Variants in THEMIS observed in about 807,000 individuals in gnomAD.
THEMIS encodes the protein thymocyte selection associated, also known as protein THEMIS.
In THEMIS, 37 loss-of-function variants were observed where a neutral mutation model predicts 52.6. The ratio of observed to expected loss-of-function variants is 0.70; its 90% confidence interval spans 0.54 to 0.93. The LOEUF (loss-of-function observed/expected upper bound fraction) is 0.93. Among genes scored for constraint, THEMIS ranks in the 40% least tolerant of loss-of-function variants. The pLI is 0.00. For synonymous variants in THEMIS, 292 were observed against 272.7 expected (o/e 1.07, Z -0.70); for missense variants, 808 against 763.1 (o/e 1.06, Z -0.69).
At chr6:127,825,338 C>T (rs1029639424) in intron 3 of THEMIS, among the ~76,000 whole-genome samples, 2 of 152,184 alleles carry the variant, frequency 1.3e-5, no homozygotes, top group African/African-American at 4.8e-5. Context: ...CCCCAAGTCA[C>T]ATTACTGTGA....
chr6:127,830,531 C>G (rs1406862433), intron 2 of THEMIS, among the ~76,000 whole-genome samples: 1 of 151,584 alleles, frequency 6.6e-6, no homozygotes, highest in Non-Finnish European at 1.5e-5. Context: ...ACAAAGAATA[C>G]AAAAATTAGC....
chr6:127,746,954 A>ATATAATATAAT (rs1237723984), intron 4 of THEMIS, among the ~76,000 whole-genome samples: 36 of 83,916 alleles, frequency 4.3e-4, no homozygotes, highest in African/African-American at 1.8e-3. Context: ...ATATAATTAT[A>ATATAATATAAT]TATAGATATC....
At chr6:127,762,521 GA>G (rs1264559138) in intron 4 of THEMIS, among the ~76,000 whole-genome samples, 1 of 152,040 alleles carries the variant, frequency 6.6e-6, no homozygotes, top group Non-Finnish European at 1.5e-5. Context: ...CCAGCTCTCA[GA>G]TAAAATATAC....
At chr6:127,782,438 A>G (rs954647764) in intron 4 of THEMIS, among the ~76,000 whole-genome samples, 5 of 152,162 alleles carry the variant, frequency 3.3e-5, no homozygotes, top group East Asian at 1.9e-4. Flanking sequence ...TAGGCACCCA[A>G]GGGAATATCC....
chr6:127,707,384 A>G (rs1773825654), downstream of THEMIS, among the ~76,000 whole-genome samples: 1 of 152,144 alleles, frequency 6.6e-6, no homozygotes, highest in Non-Finnish European at 1.5e-5. Flanking sequence ...TTTACTCTGA[A>G]TGAGGTAGGA....
intron 1 of THEMIS, among the ~76,000 whole-genome samples, chr6:127,864,030 C>T (rs1272616150): frequency 6.6e-6 from 1 of 152,066 alleles, no homozygotes. Context: ...AAGTTTTAGT[C>T]ATTGTTTAGC....
intron 4 of THEMIS, among the ~76,000 whole-genome samples, chr6:127,723,115 CCA>C (rs1774420394): frequency 6.6e-6 from 1 of 152,022 alleles, no homozygotes; most frequent in Non-Finnish European, 1.5e-5. Context: ...ACTGCTTTTT[CCA>C]CAGTTTCTGC....
chr6:127,866,075 A>T (rs1468783458), intron 1 of THEMIS, among the ~76,000 whole-genome samples: 1 of 152,068 alleles, frequency 6.6e-6, no homozygotes, highest in African/African-American at 2.4e-5. Flanking sequence ...GTGGAAATGC[A>T]GTGTTGTAAC....
chr6:127,774,375 T>A (rs978538078), intron 4 of THEMIS, among the ~76,000 whole-genome samples: 14 of 152,050 alleles, frequency 9.2e-5, no homozygotes. Context: ...CCAGCTAATT[T>A]TTTGTATTTT....
chr6:127,724,575 C>T (rs763963739), intron 4 of THEMIS, among the ~76,000 whole-genome samples: 2 of 152,036 alleles, frequency 1.3e-5, no homozygotes, highest in Admixed American at 6.6e-5. Context: ...TCTGTGACCA[C>T]GCTGTAGTCG....
At chr6:127,898,468 A>C (rs1182081460) in intron 1 of THEMIS, among the ~76,000 whole-genome samples, 2 of 151,816 alleles carry the variant, frequency 1.3e-5, no homozygotes, top group African/African-American at 4.8e-5. Context: ...CTTCAGTTAA[A>C]ATAGCTTTTA....
In THEMIS at chr6:127,709,695, G is replaced by A. The variant is rs1379494982; in HGVS notation, c.*290C>T. 3.6e-6 allele frequency: 1 copy of A among 280,768 alleles called. No individual in the cohort carries two copies. The highest frequency in any genetic ancestry group is 5.3e-5 in the Admixed American group (1 of 18,962). The allele number at this position is 280,768 out of a possible 1,614,324, so 17.4% of individuals were successfully genotyped here. On this transcript the variant is annotated 3_prime_UTR_variant, in exon 6 of 6. Coordinates refer to ENST00000368248, the MANE Select transcript of THEMIS (RefSeq NM_001010923.3). ...TTTCCCAATTACTTAGTTGTTGGTA[G>A]TAGAAATAAGAATCTGAAAAAATGT...
At chr6:127,883,333 T>TA in intron 1 of THEMIS, among the ~76,000 whole-genome samples, 1 of 151,624 alleles carries the variant, frequency 6.6e-6, no homozygotes, top group Non-Finnish European at 1.5e-5. Context: ...CAGGAGACCC[T>TA]AAAAAAATGC....
intron 1 of THEMIS, among the ~76,000 whole-genome samples, chr6:127,891,604 A>G (rs1780813847): frequency 6.6e-6 from 1 of 151,742 alleles, no homozygotes; most frequent in Non-Finnish European, 1.5e-5. Context: ...CCTCCAAAGC[A>G]TCTCTTGAAC....
At chr6:127,823,664 ATTATAC>A (rs1485607347) in intron 3 of THEMIS, among the ~76,000 whole-genome samples, 1 of 152,024 alleles carries the variant, frequency 6.6e-6, no homozygotes, top group Admixed American at 6.6e-5. Flanking sequence ...AAATTTATAA[ATTATAC>A]TTATTATCAT....
chr6:127,716,306 G>A (rs776460730), intron 5 of THEMIS, among the ~76,000 whole-genome samples: 7 of 151,818 alleles, frequency 4.6e-5, no homozygotes, highest in African/African-American at 1.2e-4. Flanking sequence ...GAAGATAACC[G>A]GAAGCAATGG....
chr6:127,737,501 A>C (rs1311896098), intron 4 of THEMIS, among the ~76,000 whole-genome samples: 4 of 152,142 alleles, frequency 2.6e-5, no homozygotes, highest in Non-Finnish European at 5.9e-5. Context: ...CCCATATCTC[A>C]AGTATTCTCA....
intron 4 of THEMIS, among the ~76,000 whole-genome samples, chr6:127,787,910 T>TAGATAGATAAATA (rs1554224647): frequency 1.3e-5 from 2 of 151,794 alleles, no homozygotes; most frequent in Non-Finnish European, 2.9e-5. Context: ...GATAGATAGA[T>TAGATAGATAAATA]AGATAGATAA....
At chr6:127,747,768 C>G (rs1317854725) in intron 4 of THEMIS, among the ~76,000 whole-genome samples, 1 of 152,006 alleles carries the variant, frequency 6.6e-6, no homozygotes, top group African/African-American at 2.4e-5. Context: ...ATATTCTTCA[C>G]AGGCCAGCCA....
Sources: allele counts gnomAD v4.1 joint callset (sites outside exome capture counted in the v4.1 genomes callset), GRCh38; gene constraint gnomAD v4.1.1; transcripts MANE v1.5; gene names NCBI Gene and HGNC (gene_info 2026-07-23, HGNC 2026-07-21).